The following ADCY5 variants were observed in gnomAD, a reference collection of about 807,000 sequenced individuals.
ADCY5 encodes adenylate cyclase type 5.
In ADCY5, 30 loss-of-function variants were observed where a neutral mutation model predicts 119.7. The observed-to-expected ratio is 0.25, with a 90% CI of 0.19 to 0.34. The LOEUF (loss-of-function observed/expected upper bound fraction) is 0.34, where lower values mean the gene tolerates loss of function less well. Among genes scored for constraint, ADCY5 ranks in the 10% least tolerant of loss-of-function variants. ADCY5 has a pLI of 1.00. For missense variants in ADCY5, 1,324 were observed against 1,775.2 expected (o/e 0.75, Z 4.57); for synonymous variants, 753 against 762.2 (o/e 0.99, Z 0.20).
intron 11 of ADCY5, 64 bp from the exon 12 acceptor site, chr3:123,314,386 G>T: frequency 7.5e-7 from 1 of 1,340,314 alleles, no homozygotes; most frequent in South Asian, 1.3e-5. Context: ...GCTTCTGGGG[G>T]ACCTGCCTGG....
At chr3:123,428,170 G>A (rs942610215) in intron 1 of ADCY5, among the ~76,000 whole-genome samples, 1 of 152,088 alleles carries the variant, frequency 6.6e-6, no homozygotes, top group East Asian at 1.9e-4. Flanking sequence ...TAGCACTCCC[G>A]GTCCCTGGAG....
At chr3:123,298,054 C>T (rs914510146) in intron 15 of ADCY5, among the ~76,000 whole-genome samples, 2 of 152,136 alleles carry the variant, frequency 1.3e-5, no homozygotes, top group African/African-American at 2.4e-5. Context: ...GGCTGCAGTG[C>T]AGTGGTGCAA....
intron 3 of ADCY5, among the ~76,000 whole-genome samples, chr3:123,339,951 T>A (rs1942199425): frequency 6.6e-6 from 1 of 152,196 alleles, no homozygotes; most frequent in African/African-American, 2.4e-5. Context: ...CTGCTCTTAT[T>A]TTCCAATTTT....
At chr3:123,356,779 A>G (rs1040461096) in intron 1 of ADCY5, among the ~76,000 whole-genome samples, 1 of 152,204 alleles carries the variant, frequency 6.6e-6, no homozygotes, top group African/African-American at 2.4e-5. Context: ...ACTTTGGAAA[A>G]CAGTTCAGCA....
chr3:123,448,117 A>AGCC lies in ADCY5; in HGVS notation c.426_428dup (p.Ala144dup), dbSNP rs1296332307. ...GCACCTCCGTCCCGCCCGCCGAGGC[A>AGCC]GCCGCCGCCGCCGAGCCGCCGCCGC... is the stretch of plus-strand genomic sequence containing the variant. On this transcript the variant is annotated inframe_insertion, in exon 1 of 21. Transcript: ENST00000462833. 4.6e-6 allele frequency: 5 copies of AGCC among 1,094,524 alleles called. No homozygotes were observed. Among genetic ancestry groups the AGCC allele is most frequent in the Non-Finnish European group, 5.5e-6 (5 of 904,522 alleles). 67.8% of individuals were successfully genotyped at this position (1,094,524 alleles called of 1,614,324 possible).
intron 1 of ADCY5, among the ~76,000 whole-genome samples, chr3:123,431,770 C>T (rs758896512): frequency 2.0e-5 from 3 of 152,214 alleles, no homozygotes; most frequent in Non-Finnish European, 2.9e-5. Flanking sequence ...CCCTCTTACA[C>T]GCCTGCAATC....
intron 1 of ADCY5, chr3:123,420,206 T>C (rs2107636017): frequency 6.6e-6 from 1 of 152,414 alleles, no homozygotes; most frequent in South Asian, 2.1e-4. Flanking sequence ...TGTAAGTTTA[T>C]GAGTCATGGT....
chr3:123,423,973 C>G (rs925268811), intron 1 of ADCY5, among the ~76,000 whole-genome samples: 2 of 152,240 alleles, frequency 1.3e-5, no homozygotes, highest in African/African-American at 2.4e-5. Context: ...CAGAAGGTCT[C>G]GCTTTTCATT....
rs771309702 is a variant in ADCY5, at chr3:123,284,748, CAGG to C, written c.3658-15_3658-13del. ...ATGTCTGTGGTGACCTGTGGGGGAACAGGAGGAGAGAGGGCAAGCCACTGATGG... is the reference window on the plus strand; with the variant it reads ...ATGTCTGTGGTGACCTGTGGGGGAACAGGAGAGAGGGCAAGCCACTGATGG... On this transcript the variant is annotated splice_polypyrimidine_tract_variant and intron_variant, in intron 20 of 20. Transcript: ENST00000462833. The C allele has an allele frequency of 5.8e-5, 94 of 1,613,994 alleles. 1 individual carries two copies. Among genetic ancestry groups the C allele is most frequent in the South Asian group, 2.6e-4 (24 of 91,086 alleles).
At chr3:123,309,178 T>C (rs1199600859) in intron 12 of ADCY5, among the ~76,000 whole-genome samples, 1 of 152,118 alleles carries the variant, frequency 6.6e-6, no homozygotes, top group South Asian at 2.1e-4. Flanking sequence ...CCCGGGCCCC[T>C]GTCTGTGATG....
chr3:123,396,037 G>A (rs187719268), intron 1 of ADCY5, among the ~76,000 whole-genome samples: 39 of 74,450 alleles, frequency 5.2e-4, no homozygotes, highest in Middle Eastern at 0.012. Flanking sequence ...AGGGAGAGAG[G>A]GAGGGAGGGA....
intron 9 of ADCY5, 75 bp from the exon 10 acceptor site, chr3:123,319,893 TC>T (rs1279692137): frequency 5.1e-6 from 8 of 1,560,128 alleles, no homozygotes; most frequent in Non-Finnish European, 6.1e-6. Flanking sequence ...CTTCCGACCA[TC>T]CCCCCAGACT....
intron 17 of ADCY5, among the ~76,000 whole-genome samples, chr3:123,295,392 T>C (rs554908287): frequency 6.6e-6 from 1 of 152,338 alleles, no homozygotes; most frequent in African/African-American, 2.4e-5. Flanking sequence ...GGCTTTCTCC[T>C]GCTGAGTGCT....
At chr3:123,332,459 C>G in intron 4 of ADCY5, 105 bp downstream of exon 4, 1 of 836,020 alleles carries the variant, frequency 1.2e-6, no homozygotes, top group Non-Finnish European at 2.0e-6. Flanking sequence ...GCAGGATATA[C>G]CCAGGCACAT....
chr3:123,419,529 C>T lies in ADCY5; in HGVS notation c.1134+27883G>A, dbSNP rs561958118. On this transcript the variant is annotated intron_variant, in intron 1 of 20. Coordinates refer to ENST00000462833, the MANE Select transcript of ADCY5 (RefSeq NM_183357.3). The stretch of plus-strand genomic sequence containing the variant: ...TCCTGCCTGCAGACCTCAGTGGATC[C>T]CCTTTTACACTTCGGTTCTGTAGAT... Among the ~76,000 whole-genome samples the T allele has an allele frequency of 3.3e-5, 5 of 152,218 alleles. No homozygotes were observed. The South Asian group carries it at 8.3e-4, about 25-fold the overall frequency.
intron 1 of ADCY5, among the ~76,000 whole-genome samples, chr3:123,435,676 T>C (rs1200543884): frequency 1.3e-5 from 2 of 151,848 alleles, no homozygotes; most frequent in Non-Finnish European, 2.9e-5. Context: ...GGTTAGAGTA[T>C]AAATGAAAAA....
intron 8 of ADCY5, 24 bp downstream of exon 8, chr3:123,325,298 C>A: frequency 6.2e-7 from 1 of 1,613,216 alleles, no homozygotes; most frequent in Non-Finnish European, 8.5e-7. Context: ...GTGTTGCCCA[C>A]AGGCTGCCCC....
rs780011428 is a variant in ADCY5 at position 123,447,453 on chromosome 3, C to T, written c.1093G>A (p.Ala365Thr). 2.5e-6 allele frequency: 4 copies of T among 1,607,164 alleles called. No individual in the cohort carries two copies. The highest frequency in any genetic ancestry group is 1.7e-5 in the Admixed American group (1 of 59,560). ...VLLSALHLAI[A>T]LRTNAQDQFL... ...TGGTCCTGGGCGTTGGTGCGCAGGG[C>T]GATGGCCAGGTGGAGGGCGGACAGG... The change falls in exon 1 of 21, where the codon GCC becomes ACC. Residue 365 changes from alanine to threonine, a missense_variant. Physicochemically the swap from Ala to Thr is moderately conservative, Grantham distance 58. Around this residue, in one of 6 missense-constraint regions of ADCY5, gnomAD observed 585 missense variants for 569.9 expected, o/e 1.03. Transcript: ENST00000462833.
intron 1 of ADCY5, among the ~76,000 whole-genome samples, chr3:123,432,990 C>A (rs1467776196): frequency 2.0e-5 from 3 of 152,182 alleles, no homozygotes; most frequent in African/African-American, 7.2e-5. Flanking sequence ...CTTCCTCCCA[C>A]AGTGTTGGGC....
Sources: gnomAD v4.1 joint callset for allele counts (sites outside exome capture counted in the v4.1 genomes callset) on GRCh38, gnomAD v4.1.1 for gene constraint, gnomAD v4.1.1 regional missense constraint, MANE v1.5 for transcripts, NCBI Gene and HGNC (gene_info 2026-07-23, HGNC 2026-07-21) for gene names.